Variants in CLSTN2 observed in about 807,000 individuals in gnomAD.
CLSTN2 encodes the protein calsyntenin 2.
Under a neutral mutation model 101.2 loss-of-function variants are expected in CLSTN2, and 48 were observed. The observed-to-expected ratio is 0.47, with a 90% CI of 0.38 to 0.60. CLSTN2 has a LOEUF of 0.60. Ranked by LOEUF, CLSTN2 falls within the 20% of genes least tolerant of loss-of-function variation. The pLI, the probability that CLSTN2 is intolerant of heterozygous loss-of-function variation, is 0.00. For missense variants in CLSTN2, 1,160 were observed against 1,238.2 expected, an observed-to-expected ratio of 0.94 and a Z score of 0.95; for synonymous variants, 481 against 463.6, an observed-to-expected ratio of 1.04 and a Z score of -0.48.
intron 1 of CLSTN2, among the ~76,000 whole-genome samples, chr3:139,975,827 C>T: frequency 6.6e-6 from 1 of 152,168 alleles, no homozygotes; most frequent in East Asian, 1.9e-4. Context: ...ATGGCAACAG[C>T]TGCCACAACA....
chr3:140,224,092 T>C (rs542623570), intron 2 of CLSTN2, among the ~76,000 whole-genome samples: 1 of 152,294 alleles, frequency 6.6e-6, no homozygotes, highest in African/African-American at 2.4e-5. Flanking sequence ...TCCCCGGGTA[T>C]GTTTTGAATT....
intron 1 of CLSTN2, among the ~76,000 whole-genome samples, chr3:139,989,499 C>T (rs934627802): frequency 6.6e-6 from 1 of 152,196 alleles, no homozygotes; most frequent in African/African-American, 2.4e-5. Flanking sequence ...GTCTCCGCCA[C>T]TCTCCATCCT....
rs140040842 is a variant in CLSTN2 at position 140,350,036 on chromosome 3, A to C, written c.233-53593A>C. On this transcript the variant is annotated intron_variant, in intron 2 of 16. Transcript: ENST00000458420. ...TGTCTGAAGTCCAGAAAAAAGAGTCAGGAGTTAGACAAAGGCTGAGGGTTA... is the reference window on the plus strand; with the variant it reads ...TGTCTGAAGTCCAGAAAAAAGAGTCCGGAGTTAGACAAAGGCTGAGGGTTA... Among the ~76,000 whole-genome samples the C allele has an allele frequency of 7.3e-3, 1,110 of 152,342 alleles. 12 individuals carry two copies. Among genetic ancestry groups the C allele is most frequent in the African/African-American group, 0.026 (1,070 of 41,578 alleles).
intron 1 of CLSTN2, among the ~76,000 whole-genome samples, chr3:140,048,689 G>A (rs1398377400): frequency 3.3e-5 from 5 of 152,222 alleles, no homozygotes; most frequent in South Asian, 2.1e-4. Context: ...AGGTAATGTC[G>A]GCTTCCTTAC....
Position 140,506,425 on chromosome 3 carries a change from C to A in CLSTN2, c.1345-25899C>A, listed in dbSNP as rs149070202. 3.7e-3 allele frequency among the ~76,000 whole-genome samples: 557 copies of A among 152,204 alleles called. 3 individuals carry two copies. The highest frequency in any genetic ancestry group is 0.013 in the African/African-American group (540 of 41,528). On this transcript the variant is annotated intron_variant, in intron 8 of 16. Coordinates refer to ENST00000458420, the MANE Select transcript of CLSTN2 (RefSeq NM_022131.3). ...TCACACTCCCCTCCTTATGATGCTG[C>A]CCTGGAACCCCAGGGTCCTTCAAGC...
intron 8 of CLSTN2, chr3:140,508,696 C>G (rs1934733169): frequency 1.3e-5 from 2 of 152,140 alleles, no homozygotes; most frequent in South Asian, 4.1e-4. Context: ...AAATATTAAA[C>G]TCACTCTGTA....
chr3:140,570,135 G>A lies in CLSTN2; in HGVS notation c.*3882G>A, dbSNP rs1451491673. Reference sequence around the variant, plus strand: ...AATGTCCCCCATTCCTATATGTCAGGTGTCAGCAAACTATCTGTAAAGAGG... The same window carrying A: ...AATGTCCCCCATTCCTATATGTCAGATGTCAGCAAACTATCTGTAAAGAGG... On this transcript the variant is annotated 3_prime_UTR_variant, in exon 17 of 17. Transcript: ENST00000458420. The A allele has an allele frequency of 1.3e-5, 2 of 152,144 alleles. No homozygotes were observed. The highest frequency in any genetic ancestry group is 1.3e-4 in the Admixed American group (2 of 15,280). The allele number at this position is 152,144 out of a possible 1,614,324, so 9.4% of individuals were successfully genotyped here.
chr3:140,553,324 T>A (rs866342857), intron 10 of CLSTN2, among the ~76,000 whole-genome samples: 2 of 152,304 alleles, frequency 1.3e-5, no homozygotes, highest in South Asian at 4.1e-4. Flanking sequence ...TGCTAGAAAC[T>A]TTATATATAT....
chr3:140,511,368 G>A (rs529933935), intron 8 of CLSTN2, among the ~76,000 whole-genome samples: 14 of 151,936 alleles, frequency 9.2e-5, no homozygotes, highest in East Asian at 1.9e-4. Flanking sequence ...ATTAATATTC[G>A]TTTGAGTACA....
intron 2 of CLSTN2, among the ~76,000 whole-genome samples, chr3:140,188,859 T>A (rs1164628477): frequency 6.6e-6 from 1 of 152,136 alleles, no homozygotes; most frequent in Non-Finnish European, 1.5e-5. Flanking sequence ...TCGATATTAC[T>A]ACAGACAAGA....
At chr3:140,347,273 G>A (rs907768775) in intron 2 of CLSTN2, among the ~76,000 whole-genome samples, 1 of 152,182 alleles carries the variant, frequency 6.6e-6, no homozygotes, top group Non-Finnish European at 1.5e-5. Context: ...AAACAACAGA[G>A]GTTAGGTCAT....
chr3:140,120,164 C>G (rs2009315870), intron 1 of CLSTN2, among the ~76,000 whole-genome samples: 1 of 152,130 alleles, frequency 6.6e-6, no homozygotes, highest in Non-Finnish European at 1.5e-5. Context: ...TGCCTACCAC[C>G]ACCCCAGATA....
intron 9 of CLSTN2, among the ~76,000 whole-genome samples, chr3:140,537,546 C>T (rs1319978167): frequency 6.6e-6 from 1 of 152,126 alleles, no homozygotes; most frequent in African/African-American, 2.4e-5. Flanking sequence ...ATGCACACCC[C>T]CTTGCTATCA....
chr3:140,427,226 T>C (rs1244017987), intron 5 of CLSTN2, among the ~76,000 whole-genome samples: 4 of 67,514 alleles, frequency 5.9e-5, no homozygotes, highest in Admixed American at 3.5e-4. Context: ...TATATATATG[T>C]GTGTATATAT....
intron 2 of CLSTN2, among the ~76,000 whole-genome samples, chr3:140,197,695 A>G (rs1320258): frequency 0.9 from 136,444 of 152,192 alleles, 61,285 homozygotes; most frequent in African/African-American, 0.92. Context: ...ACATCTAGTG[A>G]GTAGAGGCCA....
At chr3:140,192,787 T>TTG (rs2010587604) in intron 2 of CLSTN2, among the ~76,000 whole-genome samples, 1 of 151,962 alleles carries the variant, frequency 6.6e-6, no homozygotes, top group South Asian at 2.1e-4. Flanking sequence ...ATTTAGATCA[T>TTG]TTATATTTAT....
At chr3:140,049,117 C>A (rs1410772318) in intron 1 of CLSTN2, among the ~76,000 whole-genome samples, 1 of 152,204 alleles carries the variant, frequency 6.6e-6, no homozygotes, top group Non-Finnish European at 1.5e-5. Flanking sequence ...GGAGTTAATT[C>A]TATCTAAGGC....
chr3:140,373,312 A>C (rs2087879298), intron 2 of CLSTN2, among the ~76,000 whole-genome samples: 1 of 152,196 alleles, frequency 6.6e-6, no homozygotes, highest in Non-Finnish European at 1.5e-5. Flanking sequence ...TATTCTTAGG[A>C]GAAGCTGAGA....
At chr3:140,137,585 T>C (rs1259944589) in intron 1 of CLSTN2, among the ~76,000 whole-genome samples, 1 of 152,188 alleles carries the variant, frequency 6.6e-6, no homozygotes, top group Non-Finnish European at 1.5e-5. Context: ...GGGATTGTCA[T>C]GTGTTAGGGG....
Sources: gnomAD v4.1 joint callset for allele counts (sites outside exome capture counted in the v4.1 genomes callset) on GRCh38, gnomAD v4.1.1 for gene constraint, MANE v1.5 for transcripts, NCBI Gene and HGNC (gene_info 2026-07-23, HGNC 2026-07-21) for gene names.